Variants in PPP1R9A observed in about 807,000 individuals in gnomAD.
PPP1R9A encodes neurabin-1.
A neutral mutation model predicts 141.9 loss-of-function variants in PPP1R9A; 59 were observed. The observed-to-expected ratio is 0.42, with a 90% CI of 0.34 to 0.52. PPP1R9A has a LOEUF of 0.52. PPP1R9A is among the 20% of genes least tolerant of loss of function. The pLI is 0.10. For missense variants in PPP1R9A, 1,444 were observed against 1,611.9 expected (o/e 0.90, Z 1.78); for synonymous variants, 500 against 569.7 (o/e 0.88, Z 1.74).
At chr7:94,939,326 A>G (rs1425478770) in intron 2 of PPP1R9A, among the ~76,000 whole-genome samples, 2 of 152,188 alleles carry the variant, frequency 1.3e-5, no homozygotes, top group African/African-American at 4.8e-5. Flanking sequence ...GTTGATAGAT[A>G]TTATTATGGC....
chr7:95,215,388 T>G (rs1793134324), intron 7 of PPP1R9A, among the ~76,000 whole-genome samples: 1 of 152,192 alleles, frequency 6.6e-6, no homozygotes, highest in Non-Finnish European at 1.5e-5. Flanking sequence ...ACATTTGGGT[T>G]GGTTCCAAGT....
At chr7:95,137,662 C>T (rs1032074626) in intron 4 of PPP1R9A, among the ~76,000 whole-genome samples, 2 of 152,044 alleles carry the variant, frequency 1.3e-5, no homozygotes, top group South Asian at 2.1e-4. Flanking sequence ...CAAAGAAATC[C>T]CAATCAAACT....
chr7:94,910,577 A>G lies in PPP1R9A; in HGVS notation c.464A>G (p.Gln155Arg), dbSNP rs1228245949. 8 of 1,614,212 alleles carry G rather than the reference A, an allele frequency of 5.0e-6. No individual in the cohort carries two copies. The highest frequency in any genetic ancestry group is 5.9e-6 in the Non-Finnish European group (7 of 1,180,030). Residue 155 changes from glutamine (Q) to arginine (R), a missense_variant, in exon 2 of 20, where the codon CAG (glutamine) becomes CGG (arginine). By Grantham distance (43) the Gln-to-Arg change is conservative. Transcript: ENST00000433360. This position sits in a 1 kb window ranked among gnomAD's most constrained non-coding sequence, Gnocchi z 4.5. Reference sequence around the variant, plus strand: ...GAGAGAAGTGTGCATGAATCAGGACAGAACAACCGCTATTCCCCAAAGAAA... The same window carrying G: ...GAGAGAAGTGTGCATGAATCAGGACGGAACAACCGCTATTCCCCAAAGAAA... ...MFERSVHESGQNNRYSPKKEK... is the reference protein window; with the variant it reads ...MFERSVHESGRNNRYSPKKEK...
chr7:95,283,153 A>G (rs1804597680), intron 16 of PPP1R9A, among the ~76,000 whole-genome samples: 1 of 152,188 alleles, frequency 6.6e-6, no homozygotes. Context: ...TTGGTTTCTG[A>G]TAGTTATTTT....
chr7:94,984,043 C>G (rs1101706), intron 2 of PPP1R9A, among the ~76,000 whole-genome samples: 91,461 of 151,852 alleles, frequency 0.6, 28,481 homozygotes, highest in African/African-American at 0.74. Flanking sequence ...AGCATGAAGG[C>G]CTGTTGAATT....
At chr7:95,181,577 C>T (rs139538303) in intron 5 of PPP1R9A, among the ~76,000 whole-genome samples, 7,056 of 129,130 alleles carry the variant, frequency 0.055, 470 homozygotes, top group East Asian at 0.36. Flanking sequence ...ATATATATTC[C>T]ATCACATATA....
intron 8 of PPP1R9A, among the ~76,000 whole-genome samples, chr7:95,237,664 T>G (rs1796902899): frequency 1.3e-5 from 2 of 152,198 alleles, no homozygotes; most frequent in African/African-American, 4.8e-5. Context: ...GTGGTAGTTT[T>G]AGATATTTTA....
At chr7:95,242,491 C>T (rs981877964) in intron 8 of PPP1R9A, among the ~76,000 whole-genome samples, 6 of 152,058 alleles carry the variant, frequency 3.9e-5, no homozygotes, top group Non-Finnish European at 7.4e-5. Context: ...AGTTCAGTCT[C>T]ACTATTTAAG....
chr7:95,118,621 A>G (rs1821935374), intron 3 of PPP1R9A, among the ~76,000 whole-genome samples: 1 of 152,162 alleles, frequency 6.6e-6, no homozygotes, highest in Non-Finnish European at 1.5e-5. Flanking sequence ...TACTTCAGGC[A>G]TAAGTTGGTT....
At chr7:95,090,718 G>A (rs1307022373) in intron 2 of PPP1R9A, among the ~76,000 whole-genome samples, 1 of 151,834 alleles carries the variant, frequency 6.6e-6, no homozygotes, top group Non-Finnish European at 1.5e-5. Context: ...TAAGGCAGGA[G>A]ACTCGCTTGA....
At chr7:94,946,101 A>G (rs779834198) in intron 2 of PPP1R9A, among the ~76,000 whole-genome samples, 5 of 152,156 alleles carry the variant, frequency 3.3e-5, no homozygotes, top group Non-Finnish European at 5.9e-5. Flanking sequence ...AGGAAATCTA[A>G]TAGGATAGCA....
At chr7:95,276,975 C>G (rs1803324960) in intron 16 of PPP1R9A, among the ~76,000 whole-genome samples, 1 of 152,086 alleles carries the variant, frequency 6.6e-6, no homozygotes, top group South Asian at 2.1e-4. Flanking sequence ...TTCTCAGGGT[C>G]CTGAAAGTCT....
chr7:95,060,511 G>T (rs1286063624), intron 2 of PPP1R9A, among the ~76,000 whole-genome samples: 1 of 152,078 alleles, frequency 6.6e-6, no homozygotes, highest in Non-Finnish European at 1.5e-5. Flanking sequence ...CAAATAAGAG[G>T]GTCTTTTATG....
chr7:94,982,259 A>G (rs1416479607), intron 2 of PPP1R9A, among the ~76,000 whole-genome samples: 3 of 152,098 alleles, frequency 2.0e-5, no homozygotes, highest in Non-Finnish European at 4.4e-5. Flanking sequence ...AGTCTTTGCT[A>G]TTGTGAATAG....
intron 12 of PPP1R9A, among the ~76,000 whole-genome samples, chr7:95,254,388 G>A (rs1033904576): frequency 2.6e-5 from 4 of 152,158 alleles, no homozygotes; most frequent in Admixed American, 2.0e-4. Flanking sequence ...TCTGTTGCTA[G>A]GGAATGCTGA....
intron 3 of PPP1R9A, among the ~76,000 whole-genome samples, chr7:95,115,695 G>C (rs1215888161): frequency 6.6e-6 from 1 of 151,974 alleles, no homozygotes; most frequent in East Asian, 1.9e-4. Context: ...GAGATGGGCG[G>C]ATCACGAAAT....
intron 5 of PPP1R9A, among the ~76,000 whole-genome samples, chr7:95,177,824 C>T (rs941758680): frequency 1.3e-5 from 2 of 151,986 alleles, no homozygotes; most frequent in African/African-American, 4.8e-5. Flanking sequence ...AGGAAAATAT[C>T]ACAATCCTAA....
intron 8 of PPP1R9A, among the ~76,000 whole-genome samples, chr7:95,243,365 TAGTAC>T (rs1797716197): frequency 6.6e-6 from 1 of 152,152 alleles, no homozygotes; most frequent in South Asian, 2.1e-4. Flanking sequence ...GTGATTAGCA[TAGTAC>T]CTAGCACGTA....
chr7:94,960,211 G>A (rs1164644882), intron 2 of PPP1R9A, among the ~76,000 whole-genome samples: 6 of 146,204 alleles, frequency 4.1e-5, no homozygotes. Flanking sequence ...TCTGGCAGAA[G>A]CACAGAAATC....
Sources: gnomAD v4.1 joint callset for allele counts (sites outside exome capture counted in the v4.1 genomes callset) on GRCh38, gnomAD v4.1.1 for gene constraint, Gnocchi (gnomAD v3.1) non-coding constraint, MANE v1.5 for transcripts, NCBI Gene and HGNC (gene_info 2026-07-23, HGNC 2026-07-21) for gene names.